Variants in PDZD8 observed in about 807,000 individuals in gnomAD.
PDZD8 encodes PDZ domain containing 8, also known as PDZ domain-containing protein 8.
In PDZD8, 14 loss-of-function variants were observed where a neutral mutation model predicts 85.8. That is an observed-to-expected ratio of 0.16 (90% CI 0.11 to 0.26). The LOEUF is 0.26. Ranked by LOEUF, PDZD8 falls within the 10% of genes least tolerant of loss-of-function variation. The pLI is 1.00. For synonymous variants in PDZD8, 592 were observed against 568.6 expected (o/e 1.04, Z -0.59); for missense variants, 1,197 against 1,424.3 (o/e 0.84, Z 2.57).
intron 3 of PDZD8, among the ~76,000 whole-genome samples, chr10:117,299,829 T>C (rs1843816196): frequency 6.6e-6 from 1 of 152,158 alleles, no homozygotes; most frequent in African/African-American, 2.4e-5. Flanking sequence ...AGAGATTTCT[T>C]CTTGGTTTGG....
At chr10:117,355,163 C>T (rs1844872391) in intron 1 of PDZD8, among the ~76,000 whole-genome samples, 1 of 152,098 alleles carries the variant, frequency 6.6e-6, no homozygotes, top group African/African-American at 2.4e-5. Flanking sequence ...CTATATTCAC[C>T]AAGGTTAGTA....
In PDZD8 at chr10:117,375,155, G is replaced by C; in HGVS notation, c.73C>G (p.Leu25Val). The C allele has an allele frequency of 6.3e-7, 1 of 1,588,174 alleles. No individual in the cohort carries two copies. The highest frequency in any genetic ancestry group is 1.1e-5 in the South Asian group (1 of 89,174). The change falls in exon 1 of 5, where the codon CTG (leucine) becomes GTG (valine). Residue 25 changes from leucine to valine, a missense_variant. By Grantham distance (32) the Leu-to-Val change is conservative. This residue lies in a region of PDZD8 where 172 missense variants were observed against 137.8 expected (regional missense o/e 1.25). Transcript: ENST00000334464. Reference protein sequence around the residue: ...SFLTLLAQFFLLYRRQPEPPA... With the variant: ...SFLTLLAQFFVLYRRQPEPPA... ...GGCTCGGGCTGTCTGCGGTACAGCA[G>C]GAAGAACTGGGCGAGGAGCGTGAGG...
At chr10:117,334,299 G>A (rs546559959) in intron 2 of PDZD8, among the ~76,000 whole-genome samples, 3 of 152,160 alleles carry the variant, frequency 2.0e-5, no homozygotes, top group Non-Finnish European at 4.4e-5. Flanking sequence ...GTTGAAGCAG[G>A]AGTTTATGAC....
intron 3 of PDZD8, among the ~76,000 whole-genome samples, chr10:117,298,427 T>C (rs1843791384): frequency 1.3e-5 from 2 of 152,136 alleles, no homozygotes; most frequent in South Asian, 2.1e-4. Flanking sequence ...CATTTCTTAA[T>C]ATACCAAATT....
Position 117,318,535 on chromosome 10 carries a change from T to C in PDZD8, c.1098+337A>G, listed in dbSNP as rs1844169425. 3.3e-5 allele frequency among the ~76,000 whole-genome samples: 5 copies of C among 152,136 alleles called. 1 individual carries two copies. Among genetic ancestry groups the C allele is most frequent in the Admixed American group, 3.3e-4 (5 of 15,260 alleles). On this transcript the variant is annotated intron_variant, in intron 3 of 4. Coordinates refer to ENST00000334464, the MANE Select transcript of PDZD8 (RefSeq NM_173791.5). ...AAAGTAAGTGCTCATAAAATATCTG[T>C]CCAATGAATGAATAATGAATACTCT...
chr10:117,298,183 G>GA (rs995314469), intron 3 of PDZD8, among the ~76,000 whole-genome samples: 9 of 151,480 alleles, frequency 5.9e-5, no homozygotes, highest in African/African-American at 9.7e-5. Flanking sequence ...GTGTCTGAAA[G>GA]AAAAAAAATG....
chr10:117,292,573 A>T (rs1844786598), intron 3 of PDZD8, among the ~76,000 whole-genome samples: 1 of 67,588 alleles, frequency 1.5e-5, no homozygotes, highest in Non-Finnish European at 4.1e-5. Context: ...CTGCATTTGG[A>T]ATGTGTTTTT....
At chr10:117,369,170 A>G (rs1275297539) in intron 1 of PDZD8, among the ~76,000 whole-genome samples, 1 of 147,898 alleles carries the variant, frequency 6.8e-6, no homozygotes, top group African/African-American at 2.5e-5. Context: ...ATTTATTTTT[A>G]CTTTTTGAGA....
chr10:117,342,393 T>TACACACACACAC (rs59113065), intron 1 of PDZD8, among the ~76,000 whole-genome samples: 7,870 of 145,594 alleles, frequency 0.054, 255 homozygotes, highest in Non-Finnish European at 0.07. Flanking sequence ...CACAAACAGA[T>TACACACACACAC]ACACACACAC....
intron 2 of PDZD8, among the ~76,000 whole-genome samples, chr10:117,321,120 T>C (rs1272521995): frequency 3.3e-5 from 5 of 152,136 alleles, no homozygotes; most frequent in African/African-American, 1.2e-4. Context: ...AGTTAACACA[T>C]AGCTCAGTAA....
At chr10:117,323,392 T>C (rs1844260951) in intron 2 of PDZD8, among the ~76,000 whole-genome samples, 1 of 152,226 alleles carries the variant, frequency 6.6e-6, no homozygotes, top group Non-Finnish European at 1.5e-5. Context: ...GCCTGAATAT[T>C]CAGTCTACTA....
Position 117,284,775 on chromosome 10 carries a change from G to A in PDZD8, c.1958C>T (p.Ala653Val), listed in dbSNP as rs1183580364. ...GACATCTTTGGCCACTTCTTGCTTT[G>A]CTAAAAATTGCTTAGGTGCAGCTGC... ...DDAAAPKQFL[A>V]KQEVAKDVTS... is the part of the protein sequence containing the mutation. Residue 653 changes from alanine to valine, a missense_variant, in exon 5 of 5, where the codon GCA (alanine) becomes GTA (valine). By Grantham distance (64) the Ala-to-Val change is moderately conservative (BLOSUM62 0). Coordinates refer to ENST00000334464, the MANE Select transcript of PDZD8 (RefSeq NM_173791.5). The A allele has an allele frequency of 3.7e-6, 6 of 1,614,208 alleles. No homozygotes were observed. The East Asian group carries it at 6.7e-5, about 18-fold the overall frequency.
At chr10:117,328,109 A>C (rs1188278738) in intron 2 of PDZD8, among the ~76,000 whole-genome samples, 1 of 152,236 alleles carries the variant, frequency 6.6e-6, no homozygotes, top group Non-Finnish European at 1.5e-5. Context: ...TAGGATTTAT[A>C]TAAAGTATAA....
rs1455858495 is a variant in PDZD8 at position 117,282,416 on chromosome 10, A to G, written c.*852T>C. The G allele has an allele frequency of 1.3e-5, 2 of 152,206 alleles. No homozygotes were observed. The highest frequency in any genetic ancestry group is 1.5e-5 in the Non-Finnish European group (1 of 68,026). The allele number at this position is 152,206 out of a possible 1,614,324, so 9.4% of individuals were successfully genotyped here. On this transcript the variant is annotated 3_prime_UTR_variant, in exon 5 of 5. Coordinates refer to ENST00000334464, the MANE Select transcript of PDZD8 (RefSeq NM_173791.5). ...ATTTCCATTTAAAAGGAAAGCATCA[A>G]TATTTTAAAAGATTATATTTCAAAA...
At chr10:117,327,527 A>G (rs1472505197) in intron 2 of PDZD8, among the ~76,000 whole-genome samples, 1 of 152,194 alleles carries the variant, frequency 6.6e-6, no homozygotes, top group Non-Finnish European at 1.5e-5. Flanking sequence ...ATGTTAACCA[A>G]TCAGGTTTTT....
At chr10:117,360,847 A>C (rs973366282) in intron 1 of PDZD8, among the ~76,000 whole-genome samples, 1 of 152,070 alleles carries the variant, frequency 6.6e-6, no homozygotes, top group African/African-American at 2.4e-5. Context: ...AAAATAAATA[A>C]ACTTCAGGTC....
intron 3 of PDZD8, among the ~76,000 whole-genome samples, chr10:117,295,431 A>G (rs1843737485): frequency 6.6e-6 from 1 of 152,206 alleles, no homozygotes; most frequent in South Asian, 2.1e-4. Context: ...GGCAAAATAC[A>G]TTCTTTTAAA....
intron 4 of PDZD8, among the ~76,000 whole-genome samples, chr10:117,288,280 A>C (rs2133762100): frequency 6.6e-6 from 1 of 152,316 alleles, no homozygotes; most frequent in African/African-American, 2.4e-5. Flanking sequence ...TGACATGGGG[A>C]AAGTTTACAA....
intron 3 of PDZD8, among the ~76,000 whole-genome samples, chr10:117,293,841 G>C (rs1843708168): frequency 6.6e-6 from 1 of 152,016 alleles, no homozygotes. Flanking sequence ...ATTTTAAAAA[G>C]ACAGAACTCT....
Sources: allele counts gnomAD v4.1 joint callset (sites outside exome capture counted in the v4.1 genomes callset), GRCh38; gene constraint gnomAD v4.1.1; regional missense constraint gnomAD v4.1.1; transcripts MANE v1.5; gene names NCBI Gene and HGNC (gene_info 2026-07-23, HGNC 2026-07-21).